Variants in TPRG1 observed in about 807,000 individuals in gnomAD.
The protein encoded by TPRG1 is tumor protein p63 regulated 1.
In TPRG1, 29 loss-of-function variants were observed where a neutral mutation model predicts 29.3. The ratio of observed to expected loss-of-function variants is 0.99; its 90% CI spans 0.74 to 1.35. TPRG1 has a LOEUF of 1.35. Among genes scored for constraint, TPRG1 ranks in the 40% most tolerant of loss-of-function variants. TPRG1 has a pLI of 0.00. For synonymous variants in TPRG1, 130 were observed against 116.8 expected (o/e 1.11, Z -0.73); for missense variants, 327 against 335.0 (o/e 0.98, Z 0.19).
chr3:189,037,464 A>G (rs1489076123), intron 4 of TPRG1, among the ~76,000 whole-genome samples: 2 of 151,946 alleles, frequency 1.3e-5, no homozygotes, highest in Non-Finnish European at 2.9e-5. Flanking sequence ...TTTTCACAAA[A>G]TCAGGCATAA....
chr3:189,051,262 C>A (rs565252492), intron 4 of TPRG1, among the ~76,000 whole-genome samples: 1 of 152,122 alleles, frequency 6.6e-6, no homozygotes, highest in Non-Finnish European at 1.5e-5. Flanking sequence ...TTAATGTACA[C>A]AAATCAGTAG....
At chr3:189,043,626 C>T (rs972218151) in intron 4 of TPRG1, among the ~76,000 whole-genome samples, 1 of 152,192 alleles carries the variant, frequency 6.6e-6, no homozygotes, top group Non-Finnish European at 1.5e-5. Context: ...TGGGCGACAA[C>T]TCCCTTCAGA....
rs181059615 is a variant in TPRG1, at chr3:189,109,504, C to A, written c.-744+9300C>A. Among the ~76,000 whole-genome samples the A allele has an allele frequency of 6.7e-3, 1,023 of 152,246 alleles. 13 individuals are homozygous for A. Among genetic ancestry groups the A allele is most frequent in the African/African-American group, 0.023 (947 of 41,542 alleles). ...GTTAATGGCATAAATTTTGGAGAAG[C>A]AGAGACAAAAGATAATTCTCAGGAA... is the stretch of plus-strand genomic sequence containing the variant. On this transcript the variant is annotated intron_variant, in intron 1 of 6. Coordinates refer to the TPRG1 transcript ENST00000412373.
chr3:189,213,004 G>A (rs1366895729), intron 2 of TPRG1, among the ~76,000 whole-genome samples: 2 of 152,172 alleles, frequency 1.3e-5, no homozygotes, highest in East Asian at 1.9e-4. Context: ...GTCAGATGAT[G>A]TGTACATATT....
At chr3:189,099,231 G>C (rs1718906946), upstream of TPRG1, among the ~76,000 whole-genome samples, 1 of 152,186 alleles carries the variant, frequency 6.6e-6, no homozygotes, top group Non-Finnish European at 1.5e-5. Context: ...TGAGAACGCA[G>C]GAAGTTTTGG....
chr3:189,099,429 C>T (rs750110269), upstream of TPRG1, among the ~76,000 whole-genome samples: 1 of 151,978 alleles, frequency 6.6e-6, no homozygotes, highest in African/African-American at 2.4e-5. Flanking sequence ...GCAGGCCGAG[C>T]GGTGGTGTGA....
chr3:189,059,931 C>T (rs1418018708), intron 4 of TPRG1, among the ~76,000 whole-genome samples: 1 of 152,108 alleles, frequency 6.6e-6, no homozygotes, highest in Non-Finnish European at 1.5e-5. Flanking sequence ...ATTCAACATT[C>T]CTTCATGTTA....
chr3:189,022,902 G>GGTGCCAGGTAT (rs1713429501), intron 3 of TPRG1, among the ~76,000 whole-genome samples: 1 of 152,212 alleles, frequency 6.6e-6, no homozygotes, highest in African/African-American at 2.4e-5. Context: ...AGGACCCTCC[G>GGTGCCAGGTAT]AGCCAGGTGC....
Position 189,217,958 on chromosome 3 carries a change from A to C in TPRG1, c.302+2575A>C, listed in dbSNP as rs1309472346. The C allele has an allele frequency of 5.1e-6, 5 of 985,302 alleles. No individual in the cohort carries two copies. In the African/African-American group the frequency reaches 8.7e-5, roughly 17 times the overall value. The allele number at this position is 985,302 out of a possible 1,614,324, so 61.0% of individuals were successfully genotyped here. The stretch of plus-strand genomic sequence containing the variant: ...CCCAACTCCCCCAACAGCAACCACA[A>C]AACAAAAAAACTAAAGAAAATAAAC... On this transcript the variant is annotated intron_variant, in intron 3 of 5. Transcript: ENST00000345063.
At chr3:189,077,372 T>C (rs1394451498) in intron 4 of TPRG1, among the ~76,000 whole-genome samples, 1 of 152,122 alleles carries the variant, frequency 6.6e-6, no homozygotes, top group African/African-American at 2.4e-5. Flanking sequence ...TTCTGTATTT[T>C]TGCCTATACT....
intron 3 of TPRG1, among the ~76,000 whole-genome samples, chr3:189,237,190 G>C (rs1356095909): frequency 1.3e-5 from 2 of 152,104 alleles, no homozygotes; most frequent in African/African-American, 2.4e-5. Context: ...CCACTCAATA[G>C]ATATGTATTT....
intron 4 of TPRG1, among the ~76,000 whole-genome samples, chr3:189,261,435 G>T (rs1157388592): frequency 6.6e-6 from 1 of 151,342 alleles, no homozygotes; most frequent in Non-Finnish European, 1.5e-5. Flanking sequence ...AAAGAAAAAA[G>T]CCATTGACTT....
chr3:189,303,069 CAGTAT>C (rs1316155594), intron 4 of TPRG1, among the ~76,000 whole-genome samples: 6 of 152,008 alleles, frequency 3.9e-5, no homozygotes, highest in Non-Finnish European at 1.5e-5. Context: ...TAAAGGGAAG[CAGTAT>C]AGGAAAGTAT....
intron 1 of TPRG1, among the ~76,000 whole-genome samples, chr3:189,206,048 C>CCTTCCT (rs1560549898): frequency 5.4e-5 from 8 of 149,188 alleles, no homozygotes; most frequent in African/African-American, 2.0e-4. Context: ...TCCTTCCTTT[C>CCTTCCT]TTCTGTCTTT....
chr3:189,063,115 A>G (rs1716222380), intron 4 of TPRG1, among the ~76,000 whole-genome samples: 1 of 152,094 alleles, frequency 6.6e-6, no homozygotes, highest in South Asian at 2.1e-4. Context: ...GTGGTGTATT[A>G]ATATCTAATA....
rs540054552 is a variant in TPRG1, at chr3:189,193,801, T to G, written c.-9-13575T>G. On this transcript the variant is annotated intron_variant, in intron 1 of 5. Transcript: ENST00000345063. ...TCTGTGCAATTTCTCATTCATACCATGAGTTGGTTTCCTGATTTTGTTGAA... is the reference window on the plus strand; with the variant it reads ...TCTGTGCAATTTCTCATTCATACCAGGAGTTGGTTTCCTGATTTTGTTGAA... 2.0e-5 allele frequency among the ~76,000 whole-genome samples: 3 copies of G among 151,206 alleles called. No homozygotes were observed. In the South Asian group the frequency reaches 6.3e-4, roughly 32 times the overall value.
intron 4 of TPRG1, among the ~76,000 whole-genome samples, chr3:189,272,378 C>T (rs891346590): frequency 2.6e-5 from 4 of 152,148 alleles, no homozygotes; most frequent in African/African-American, 9.7e-5. Context: ...AGATGAGTTT[C>T]CTTTTGAGGC....
intron 4 of TPRG1, among the ~76,000 whole-genome samples, chr3:189,088,649 A>G (rs997826636): frequency 6.6e-6 from 1 of 152,118 alleles, no homozygotes; most frequent in Non-Finnish European, 1.5e-5. Flanking sequence ...TAAATCATCT[A>G]TATCTATATA....
intron 1 of TPRG1, among the ~76,000 whole-genome samples, chr3:189,206,492 T>C (rs1034817158): frequency 2.1e-5 from 3 of 140,362 alleles, no homozygotes; most frequent in African/African-American, 8.3e-5. Context: ...GGTGTTGTGA[T>C]GAACAAACTT....
Sources: gnomAD v4.1 joint callset for allele counts (sites outside exome capture counted in the v4.1 genomes callset) on GRCh38, gnomAD v4.1.1 for gene constraint, MANE v1.5 for transcripts, NCBI Gene and HGNC (gene_info 2026-07-23, HGNC 2026-07-21) for gene names.